The following NUP107 variants were observed in gnomAD, a reference collection of about 807,000 sequenced individuals.
NUP107 encodes nuclear pore complex protein Nup107.
In NUP107, 101 loss-of-function variants were observed where a neutral mutation model predicts 141.0. The ratio of observed to expected loss-of-function variants is 0.72; its 90% CI spans 0.61 to 0.84. NUP107 has a LOEUF of 0.84. Ranked by LOEUF, NUP107 falls within the 40% of genes least tolerant of loss-of-function variation. The pLI, the probability that NUP107 is intolerant of heterozygous loss-of-function variation, is 0.00. For missense variants in NUP107, 941 were observed against 1,102.7 expected (o/e 0.85, Z 2.08); for synonymous variants, 319 against 363.9 (o/e 0.88, Z 1.41).
At chr12:68,705,595 G>A (rs1477621699) in intron 8 of NUP107, 19 of 352,882 alleles carry the variant, frequency 5.4e-5, no homozygotes, top group African/African-American at 8.7e-5. Context: ...TCGAATCTCC[G>A]CCTAGCTCAG....
chr12:68,715,494 G>T, intron 11 of NUP107, 133 bp from the exon 12 acceptor site: 1 of 591,686 alleles, frequency 1.7e-6, no homozygotes, highest in Non-Finnish European at 3.0e-6. Context: ...ACTCCGTCTC[G>T]GAAAAGAAAA....
In NUP107 at chr12:68,734,725, TAATG is replaced by T; in HGVS notation, c.2282_2285del (p.Asn761SerfsTer6). On this transcript the variant is annotated frameshift_variant, in exon 25 of 28. Transcript: ENST00000229179. LOFTEE classifies it high-confidence loss of function. ...CATTTTAGGAAGCCCATGAAACCTT[TAATG>T]AGTGGTTTAAGCATATGAATTCAGT... 6.2e-7 allele frequency: 1 copy of T among 1,601,516 alleles called. No homozygotes were observed. Among genetic ancestry groups the T allele is most frequent in the African/African-American group, 1.3e-5 (1 of 74,558 alleles).
chr12:68,718,988 A>G (rs1460027050), intron 12 of NUP107, among the ~76,000 whole-genome samples: 1 of 152,162 alleles, frequency 6.6e-6, no homozygotes, highest in African/African-American at 2.4e-5. Context: ...TCCTGGGTTC[A>G]AGCGATGCAC....
intron 20 of NUP107, among the ~76,000 whole-genome samples, chr12:68,729,540 G>T (rs61193219): frequency 0.05 from 7,587 of 151,450 alleles, 633 homozygotes; most frequent in African/African-American, 0.17. Context: ...CCTCACCGGG[G>T]TCAAGCGATT....
chr12:68,737,097 A>G (rs527362533), intron 26 of NUP107, among the ~76,000 whole-genome samples: 1 of 152,186 alleles, frequency 6.6e-6, no homozygotes, highest in Non-Finnish European at 1.5e-5. Context: ...TTCTCATCTG[A>G]TTCATGCTGA....
intron 26 of NUP107, among the ~76,000 whole-genome samples, chr12:68,739,207 A>G (rs1265843271): frequency 6.6e-6 from 1 of 152,240 alleles, no homozygotes; most frequent in African/African-American, 2.4e-5. Flanking sequence ...ACACACACAC[A>G]CACCTGTCCC....
At chr12:68,721,450 G>T (rs1016609621) in intron 15 of NUP107, among the ~76,000 whole-genome samples, 2 of 152,076 alleles carry the variant, frequency 1.3e-5, no homozygotes, top group Admixed American at 6.5e-5. Context: ...CACATTTATT[G>T]ATGACTTAAA....
chr12:68,708,922 T>TA (rs764032521), intron 8 of NUP107, among the ~76,000 whole-genome samples: 1 of 152,094 alleles, frequency 6.6e-6, no homozygotes, highest in Non-Finnish European at 1.5e-5. Flanking sequence ...CCTGGCCTAT[T>TA]AAAGTTTTTT....
intron 1 of NUP107, chr12:68,687,591 G>A (rs1304776865): frequency 2.0e-6 from 2 of 986,402 alleles, no homozygotes; most frequent in Non-Finnish European, 2.4e-6. Flanking sequence ...AGTGTAAAGT[G>A]GTAAGTGTTT....
chr12:68,710,651 TAAAAAA>T (rs35505754), intron 10 of NUP107, among the ~76,000 whole-genome samples: 1 of 110,780 alleles, frequency 9.0e-6, no homozygotes, highest in East Asian at 2.5e-4. Flanking sequence ...CAGGCCGTCT[TAAAAAA>T]AAAAAAAAAA....
rs370636803 is a variant in NUP107, at chr12:68,717,078, A to G, written c.1083+1338A>G. Among the ~76,000 whole-genome samples, 13 of 152,082 alleles carry G rather than the reference A, an allele frequency of 8.5e-5. No individual in the cohort carries two copies. In the South Asian group the frequency reaches 2.7e-3, roughly 32 times the overall value. ...ACGCCTGGCTAATTTTTTGCATTTT[A>G]GTAAAGACGTGGTTTCACCGTGTTG... On this transcript the variant is annotated intron_variant, in intron 12 of 27. Coordinates refer to ENST00000229179, the MANE Select transcript of NUP107 (RefSeq NM_020401.4).
chr12:68,730,283 T>C (rs1331569771), intron 20 of NUP107, among the ~76,000 whole-genome samples: 1 of 143,022 alleles, frequency 7.0e-6, no homozygotes, highest in African/African-American at 2.6e-5. Context: ...TGTGGTGGAA[T>C]GATCTCAGCT....
chr12:68,730,719 C>T (rs540288529), intron 20 of NUP107, among the ~76,000 whole-genome samples: 3 of 152,300 alleles, frequency 2.0e-5, no homozygotes, highest in Non-Finnish European at 4.4e-5. Context: ...AATCCCAGCA[C>T]TTTAGGAGGC....
At chr12:68,717,113 G>T (rs1285181343) in intron 12 of NUP107, among the ~76,000 whole-genome samples, 1 of 152,018 alleles carries the variant, frequency 6.6e-6, no homozygotes, top group Admixed American at 6.6e-5. Context: ...GCCCAGGCTG[G>T]TCTCAAACTC....
chr12:68,688,455 C>A (rs1004225614), intron 1 of NUP107, among the ~76,000 whole-genome samples: 52 of 152,156 alleles, frequency 3.4e-4, no homozygotes, highest in African/African-American at 1.2e-3. Context: ...TACCACAATT[C>A]TTTTACTTAC....
rs1338091902 is a variant in NUP107 at position 68,741,899 on chromosome 12, G to C, written c.2589G>C (p.Thr863=). ...CAATGTTGTGTTTTCTGCTTCATAC[G>C]ATATTGCACAGTACTGGTCAGTATC... is the stretch of plus-strand genomic sequence containing the variant. ...CLPMLCFLLH[T]ILHSTGQYQE... Residue 863 remains threonine, a synonymous_variant, in exon 27 of 28, where the codon ACG becomes ACC. Coordinates refer to ENST00000229179, the MANE Select transcript of NUP107 (RefSeq NM_020401.4). 1 of 1,613,900 alleles carries C rather than the reference G, an allele frequency of 6.2e-7. No individual in the cohort carries two copies. Among genetic ancestry groups the C allele is most frequent in the East Asian group, 2.2e-5 (1 of 44,866 alleles).
intron 21 of NUP107, 87 bp downstream of exon 21, chr12:68,731,347 A>G (rs555779599): frequency 1.7e-5 from 22 of 1,316,526 alleles, no homozygotes; most frequent in Non-Finnish European, 1.8e-5. Context: ...ATAGTTTTAA[A>G]TCTTATTTCT....
At chr12:68,698,893 G>A (rs74103011) in intron 6 of NUP107, among the ~76,000 whole-genome samples, 6,924 of 152,180 alleles carry the variant, frequency 0.045, 529 homozygotes, top group African/African-American at 0.16. Flanking sequence ...TTCATGGAAT[G>A]TACACCACCA....
chr12:68,723,550 C>T (rs927826457), intron 17 of NUP107, among the ~76,000 whole-genome samples: 6 of 151,998 alleles, frequency 3.9e-5, no homozygotes, highest in Admixed American at 1.3e-4. Context: ...GAGCCAAGAT[C>T]GCAACGTTGC....
Sources: allele counts gnomAD v4.1 joint callset (sites outside exome capture counted in the v4.1 genomes callset), GRCh38; gene constraint gnomAD v4.1.1; transcripts MANE v1.5; gene names NCBI Gene and HGNC (gene_info 2026-07-23, HGNC 2026-07-21).